The following GPC5 variants were observed in gnomAD, a reference collection of about 807,000 sequenced individuals.
GPC5 encodes the protein glypican-5.
In GPC5, 47 loss-of-function variants were observed where a neutral mutation model predicts 53.9. The ratio of observed to expected loss-of-function variants is 0.87; its 90% CI spans 0.69 to 1.11. The LOEUF (loss-of-function observed/expected upper bound fraction) is 1.11, where lower values mean the gene tolerates loss of function less well. Among genes scored for constraint, GPC5 ranks in the 50% most tolerant of loss-of-function variants. GPC5 has a pLI of 0.00. For synonymous variants in GPC5, 286 were observed against 263.3 expected, an observed-to-expected ratio of 1.09 and a Z score of -0.84; for missense variants, 748 against 713.1, an observed-to-expected ratio of 1.05 and a Z score of -0.56.
At chr13:92,350,791 T>C (rs901352589) in intron 7 of GPC5, among the ~76,000 whole-genome samples, 1 of 152,166 alleles carries the variant, frequency 6.6e-6, no homozygotes, top group Admixed American at 6.6e-5. Flanking sequence ...TCCATAAATA[T>C]ATGTTATAAA....
At chr13:92,650,597 AATAGTAGAG>A (rs1885925596) in intron 7 of GPC5, among the ~76,000 whole-genome samples, 1 of 152,136 alleles carries the variant, frequency 6.6e-6, no homozygotes, top group South Asian at 2.1e-4. Flanking sequence ...AAAACCACAT[AATAGTAGAG>A]CTCATGCTTG....
intron 3 of GPC5, among the ~76,000 whole-genome samples, chr13:91,711,002 G>T (rs2036213276): frequency 6.6e-6 from 1 of 152,164 alleles, no homozygotes; most frequent in South Asian, 2.1e-4. Flanking sequence ...TTACACTGTT[G>T]GTGGGAGTGT....
intron 7 of GPC5, among the ~76,000 whole-genome samples, chr13:92,751,911 C>T (rs1889414541): frequency 6.6e-6 from 1 of 152,050 alleles, no homozygotes; most frequent in Non-Finnish European, 1.5e-5. Flanking sequence ...TACATTGTTT[C>T]ACTTGCGCTG....
At chr13:91,903,704 C>T (rs2039522364) in intron 5 of GPC5, among the ~76,000 whole-genome samples, 1 of 152,078 alleles carries the variant, frequency 6.6e-6, no homozygotes, top group Admixed American at 6.6e-5. Flanking sequence ...AAGAGTGACT[C>T]TGAAATATTC....
At chr13:92,830,166 C>A (rs1878003140) in intron 7 of GPC5, among the ~76,000 whole-genome samples, 1 of 152,082 alleles carries the variant, frequency 6.6e-6, no homozygotes, top group Admixed American at 6.6e-5. Context: ...ACGTCCCTGG[C>A]TATGTCATAA....
intron 2 of GPC5, among the ~76,000 whole-genome samples, chr13:91,646,220 C>T (rs2034553878): frequency 6.6e-6 from 1 of 152,084 alleles, no homozygotes; most frequent in Non-Finnish European, 1.5e-5. Context: ...TGATCTTTCC[C>T]TAAAATATGC....
chr13:92,782,027 G>A (rs1459492260), intron 7 of GPC5, among the ~76,000 whole-genome samples: 1 of 150,708 alleles, frequency 6.6e-6, no homozygotes, highest in Admixed American at 6.7e-5. Flanking sequence ...CTATTAATAA[G>A]TGGAAGGAAA....
chr13:91,726,552 A>G (rs1423895859), intron 3 of GPC5, among the ~76,000 whole-genome samples: 1 of 152,146 alleles, frequency 6.6e-6, no homozygotes, highest in Non-Finnish European at 1.5e-5. Context: ...TCAGGAACCC[A>G]TCTTTCCAAG....
In GPC5 at chr13:92,735,360, G is replaced by A. The variant is rs189412479; in HGVS notation, c.1562-130922G>A. Among the ~76,000 whole-genome samples the A allele has an allele frequency of 5.5e-4, 83 of 151,956 alleles. No homozygotes were observed. The East Asian group carries it at 0.013, about 24-fold the overall frequency. On this transcript the variant is annotated intron_variant, in intron 7 of 7. Coordinates refer to ENST00000377067, the MANE Select transcript of GPC5 (RefSeq NM_004466.6). ...ACTTTTTTATTGAAGTCATGCATTG[G>A]CCAGCATTTTAACCCAATAACCTAA...
chr13:92,156,082 C>T (rs959496764), intron 7 of GPC5, among the ~76,000 whole-genome samples: 11 of 152,094 alleles, frequency 7.2e-5, no homozygotes, highest in African/African-American at 2.7e-4. Flanking sequence ...GTTCTGTTCT[C>T]GTCATGTAGT....
At chr13:92,708,406 A>G (rs988392352) in intron 7 of GPC5, among the ~76,000 whole-genome samples, 12 of 152,168 alleles carry the variant, frequency 7.9e-5, no homozygotes, top group African/African-American at 2.9e-4. Context: ...TACTGCCTCA[A>G]ATAGAGTAAC....
chr13:91,926,429 T>G (rs1420863613), intron 6 of GPC5, among the ~76,000 whole-genome samples: 1 of 151,942 alleles, frequency 6.6e-6, no homozygotes, highest in Admixed American at 6.6e-5. Context: ...TTGTTGTTCA[T>G]GCACCTCTGG....
chr13:91,468,733 A>G (rs776800432), intron 2 of GPC5, among the ~76,000 whole-genome samples: 1 of 152,178 alleles, frequency 6.6e-6, no homozygotes, highest in Non-Finnish European at 1.5e-5. Context: ...CAGGAAACCA[A>G]TACAAATGTG....
At chr13:92,162,068 A>G (rs751229011) in intron 7 of GPC5, among the ~76,000 whole-genome samples, 57 of 137,664 alleles carry the variant, frequency 4.1e-4, no homozygotes, top group Non-Finnish European at 6.4e-4. Context: ...ATTTTTTGTC[A>G]TAATTATTGT....
intron 6 of GPC5, among the ~76,000 whole-genome samples, chr13:92,135,865 G>A (rs191315763): frequency 8.3e-4 from 127 of 152,264 alleles, no homozygotes; most frequent in Middle Eastern, 3.4e-3. Context: ...ATTGTAAAGC[G>A]CGTTCGGCTT....
intron 7 of GPC5, among the ~76,000 whole-genome samples, chr13:92,507,085 A>G (rs1185470196): frequency 6.6e-6 from 1 of 152,112 alleles, no homozygotes; most frequent in African/African-American, 2.4e-5. Flanking sequence ...TTCTTGCCTC[A>G]TTACTCACCA....
At chr13:92,493,249 T>C (rs1250127036) in intron 7 of GPC5, among the ~76,000 whole-genome samples, 1 of 152,238 alleles carries the variant, frequency 6.6e-6, no homozygotes, top group Non-Finnish European at 1.5e-5. Context: ...GGGACAAGCA[T>C]TAAATATTGT....
chr13:91,985,111 C>T (rs1435557636), intron 6 of GPC5, among the ~76,000 whole-genome samples: 1 of 152,112 alleles, frequency 6.6e-6, no homozygotes, highest in Non-Finnish European at 1.5e-5. Flanking sequence ...TTTTCCACTT[C>T]TGTCTTTTAT....
intron 7 of GPC5, among the ~76,000 whole-genome samples, chr13:92,497,062 C>T: frequency 6.6e-6 from 1 of 152,144 alleles, no homozygotes; most frequent in East Asian, 1.9e-4. Context: ...GTTGCCTGTT[C>T]ATTCTGATGA....
Sources: gnomAD v4.1 joint callset for allele counts (sites outside exome capture counted in the v4.1 genomes callset) on GRCh38, gnomAD v4.1.1 for gene constraint, MANE v1.5 for transcripts, NCBI Gene and HGNC (gene_info 2026-07-23, HGNC 2026-07-21) for gene names.